Variants in DLG2 observed in about 807,000 individuals in gnomAD.
DLG2 encodes the protein disks large homolog 2.
DLG2 carries 45 observed loss-of-function variants against 132.5 expected under a neutral mutation model. The ratio of observed to expected loss-of-function variants is 0.34; its 90% CI spans 0.27 to 0.44. The LOEUF (loss-of-function observed/expected upper bound fraction) is 0.44, where lower values mean the gene tolerates loss of function less well. Ranked by LOEUF, DLG2 falls within the 20% of genes least tolerant of loss-of-function variation. The probability of loss-of-function intolerance (pLI) is 1.00; values close to 1 mark genes in which losing one functional copy is unlikely to be tolerated. For synonymous variants in DLG2, 424 were observed against 419.6 expected (o/e 1.01, Z -0.13); for missense variants, 1,045 against 1,196.9 (o/e 0.87, Z 1.87).
intron 3 of DLG2, among the ~76,000 whole-genome samples, chr11:85,491,350 A>G (rs1306220339): frequency 6.6e-6 from 1 of 152,156 alleles, no homozygotes; most frequent in Non-Finnish European, 1.5e-5. Context: ...TTCCTCTAAG[A>G]ACTGGAACAA....
At chr11:83,856,213 T>C (rs1312518182) in intron 16 of DLG2, among the ~76,000 whole-genome samples, 1 of 152,204 alleles carries the variant, frequency 6.6e-6, no homozygotes, top group Non-Finnish European at 1.5e-5. Context: ...ATGTACCACA[T>C]TTTCTTTATC....
At chr11:83,849,749 CTTTT>C (rs67717983) in intron 16 of DLG2, among the ~76,000 whole-genome samples, 96 of 146,016 alleles carry the variant, frequency 6.6e-4, no homozygotes, top group African/African-American at 9.4e-4. Flanking sequence ...TCTGGAGCTC[CTTTT>C]TTTTTTTTTT....
At chr11:83,753,666 T>A (rs977306302) in intron 18 of DLG2, among the ~76,000 whole-genome samples, 12 of 139,520 alleles carry the variant, frequency 8.6e-5, no homozygotes, top group Non-Finnish European at 1.5e-4. Context: ...ATATATATAT[T>A]TTAAATTGAT....
intron 7 of DLG2, among the ~76,000 whole-genome samples, chr11:84,528,861 G>A (rs950157583): frequency 6.6e-6 from 1 of 152,110 alleles, no homozygotes; most frequent in African/African-American, 2.4e-5. Flanking sequence ...ACTTGATTAG[G>A]AAATGTATCC....
intron 19 of DLG2, among the ~76,000 whole-genome samples, chr11:83,620,088 T>C (rs1354332419): frequency 6.6e-6 from 1 of 152,218 alleles, no homozygotes; most frequent in East Asian, 1.9e-4. Context: ...CAGATAATTG[T>C]ATGTTTTTTC....
intron 6 of DLG2, among the ~76,000 whole-genome samples, chr11:85,038,106 C>G (rs2061565379): frequency 6.6e-6 from 1 of 152,098 alleles, no homozygotes; most frequent in Non-Finnish European, 1.5e-5. Flanking sequence ...AGGAAGTCAA[C>G]TCAAGGACAT....
At chr11:85,449,120 A>C (rs1449386484) in intron 3 of DLG2, among the ~76,000 whole-genome samples, 1 of 151,756 alleles carries the variant, frequency 6.6e-6, no homozygotes, top group Non-Finnish European at 1.5e-5. Flanking sequence ...GTTAAATTGG[A>C]TACTTGGCTT....
At chr11:84,875,506 A>G (rs542317515) in intron 6 of DLG2, among the ~76,000 whole-genome samples, 1 of 152,080 alleles carries the variant, frequency 6.6e-6, no homozygotes, top group African/African-American at 2.4e-5. Context: ...GGTGGAAAAA[A>G]AAAAAAACTC....
chr11:84,471,592 T>C (rs1386937490), intron 7 of DLG2, among the ~76,000 whole-genome samples: 1 of 151,690 alleles, frequency 6.6e-6, no homozygotes, highest in Non-Finnish European at 1.5e-5. Flanking sequence ...GGGGATTCCG[T>C]AGCAGCAATT....
chr11:83,977,147 A>G (rs1046954444), intron 12 of DLG2, among the ~76,000 whole-genome samples: 25 of 151,990 alleles, frequency 1.6e-4, no homozygotes, highest in African/African-American at 5.8e-4. Flanking sequence ...ATACCAAAGA[A>G]AGTGGGTTAT....
intron 3 of DLG2, among the ~76,000 whole-genome samples, chr11:85,379,580 T>C (rs2085708299): frequency 6.6e-6 from 1 of 152,194 alleles, no homozygotes; most frequent in Admixed American, 6.5e-5. Context: ...AACAAAAATG[T>C]CAAAGCCATT....
At chr11:84,863,000 T>C (rs932251542) in intron 6 of DLG2, among the ~76,000 whole-genome samples, 1 of 151,998 alleles carries the variant, frequency 6.6e-6, no homozygotes. Flanking sequence ...AGTTCCGTCC[T>C]GCTTCTCTCC....
chr11:83,560,049 T>C (rs976921542), intron 19 of DLG2, among the ~76,000 whole-genome samples: 1 of 151,992 alleles, frequency 6.6e-6, no homozygotes, highest in African/African-American at 2.4e-5. Flanking sequence ...TACTGATACA[T>C]GGTGAAATTA....
intron 6 of DLG2, among the ~76,000 whole-genome samples, chr11:84,830,661 A>C (rs1359957059): frequency 1.3e-5 from 2 of 151,508 alleles, no homozygotes; most frequent in East Asian, 3.9e-4. Context: ...CCAAGATTTA[A>C]ATGCAGGATG....
chr11:84,134,265 C>T (rs1445262758), intron 9 of DLG2, among the ~76,000 whole-genome samples: 1 of 151,000 alleles, frequency 6.6e-6, no homozygotes, highest in African/African-American at 2.4e-5. Flanking sequence ...AACAGTCTTC[C>T]TGAGGAGGAA....
At chr11:83,574,603 A>C (rs2096846380) in intron 19 of DLG2, among the ~76,000 whole-genome samples, 1 of 152,202 alleles carries the variant, frequency 6.6e-6, no homozygotes. Flanking sequence ...GAACAATTAA[A>C]GTATTATAGG....
intron 4 of DLG2, among the ~76,000 whole-genome samples, chr11:85,197,560 T>C (rs58967002): frequency 0.018 from 2,745 of 152,292 alleles, 72 homozygotes; most frequent in African/African-American, 0.061. Context: ...TTAATTTATA[T>C]TTTCCTTAAA....
intron 18 of DLG2, among the ~76,000 whole-genome samples, chr11:83,656,725 T>C (rs1428158262): frequency 6.6e-6 from 1 of 152,224 alleles, no homozygotes; most frequent in Non-Finnish European, 1.5e-5. Context: ...CTAATCTACA[T>C]TTTGTTGTAC....
At chr11:85,470,146 TAAA>T (rs533121148) in intron 3 of DLG2, among the ~76,000 whole-genome samples, 1 of 123,004 alleles carries the variant, frequency 8.1e-6, no homozygotes, top group Admixed American at 8.6e-5. Flanking sequence ...ACCAACAATG[TAAA>T]AAAAAAAAAA....
Sources: allele counts gnomAD v4.1 joint callset (sites outside exome capture counted in the v4.1 genomes callset), GRCh38; gene constraint gnomAD v4.1.1; transcripts MANE v1.5; gene names NCBI Gene and HGNC (gene_info 2026-07-23, HGNC 2026-07-21).